The following GNAO1 variants were observed in gnomAD, a reference collection of about 807,000 sequenced individuals.
The protein encoded by GNAO1 is guanine nucleotide-binding protein G(o) subunit alpha.
For missense variants in GNAO1, 166 were observed against 478.7 expected (o/e 0.35, Z 6.10); for synonymous variants, 164 against 180.7 (o/e 0.91, Z 0.74).
chr16:56,345,612 A>G, intron 6 of GNAO1: 3 of 985,474 alleles, frequency 3.0e-6, no homozygotes, highest in Non-Finnish European at 3.6e-6. Flanking sequence ...CATCAGCCCA[A>G]GTCCACCTCT....
chr16:56,243,052 G>A (rs1185001620), intron 2 of GNAO1, among the ~76,000 whole-genome samples: 1 of 151,774 alleles, frequency 6.6e-6, no homozygotes, highest in African/African-American at 2.4e-5. Context: ...AGGGATCTAG[G>A]TTGCATGCTT....
intron 3 of GNAO1, among the ~76,000 whole-genome samples, chr16:56,324,015 G>A (rs892266030): frequency 2.0e-5 from 3 of 152,172 alleles, no homozygotes; most frequent in Admixed American, 2.0e-4. Flanking sequence ...AGGAGAGAGC[G>A]GGAAGGGCGG....
intron 2 of GNAO1, among the ~76,000 whole-genome samples, chr16:56,255,118 A>G (rs1364929693): frequency 1.3e-5 from 2 of 152,158 alleles, no homozygotes; most frequent in African/African-American, 4.8e-5. Flanking sequence ...TGTTGGTGGA[A>G]TTTCCCTTGT....
chr16:56,326,139 C>T lies in GNAO1; in HGVS notation c.304-2492C>T, dbSNP rs2037630056. 6.6e-6 allele frequency among the ~76,000 whole-genome samples: 1 copy of T among 152,212 alleles called. No individual in the cohort carries two copies. Among genetic ancestry groups the T allele is most frequent in the African/African-American group, 2.4e-5 (1 of 41,462 alleles). ...TCCTGTCCTGGCCCTGTGTTCCCAG[C>T]CATGCCTCTTCCTGTCGCTGGGACA... On this transcript the variant is annotated intron_variant, in intron 3 of 8. Coordinates refer to ENST00000262493, the MANE Select transcript of GNAO1 (RefSeq NM_020988.3). This position sits in a 1 kb window ranked among gnomAD's most constrained non-coding sequence, Gnocchi z 4.8.
At chr16:56,269,027 AT>A (rs1159609212) in intron 2 of GNAO1, among the ~76,000 whole-genome samples, 4 of 152,144 alleles carry the variant, frequency 2.6e-5, no homozygotes, top group African/African-American at 9.7e-5. Flanking sequence ...GCTGGAAACC[AT>A]TGGTGCTGTG....
chr16:56,239,166 C>T (rs2036670588), intron 2 of GNAO1, among the ~76,000 whole-genome samples: 1 of 152,218 alleles, frequency 6.6e-6, no homozygotes, highest in Non-Finnish European at 1.5e-5. Context: ...CCATCACAGG[C>T]ACTCTGCCTG....
intron 2 of GNAO1, among the ~76,000 whole-genome samples, chr16:56,228,299 T>C (rs1402222689): frequency 1.3e-5 from 2 of 152,146 alleles, no homozygotes; most frequent in Non-Finnish European, 2.9e-5. Flanking sequence ...AGGGTTCTCC[T>C]GGCATTTCCA....
At position 56,351,752 on chromosome 16, in the gene GNAO1, A is replaced by G. The variant is rs918678486; in HGVS notation, c.877+215A>G. The G allele has an allele frequency of 3.8e-5, 21 of 558,666 alleles. No individual in the cohort carries two copies. The highest frequency in any genetic ancestry group is 6.4e-5 in the Non-Finnish European group (20 of 311,576). The allele number at this position is 558,666 out of a possible 1,614,324, so 34.6% of individuals were successfully genotyped here. A position where few individuals can be genotyped will look rare whatever the true frequency, so the allele number is the denominator to read the frequency against. On this transcript the variant is annotated intron_variant, in intron 7 of 8. Transcript: ENST00000262493. This position sits in a 1 kb window ranked among gnomAD's most constrained non-coding sequence, Gnocchi z 6.1. The stretch of plus-strand genomic sequence containing the variant: ...AGCGTGGTGGAAATGGCCCCTCCTA[A>G]GATATATGTGTTAGGACCAAGTGAC...
intron 3 of GNAO1, among the ~76,000 whole-genome samples, chr16:56,325,592 T>C (rs2037623574): frequency 6.6e-6 from 1 of 151,754 alleles, no homozygotes. Context: ...CCCAGTGGGG[T>C]CTCAGTCTCT....
intron 3 of GNAO1, among the ~76,000 whole-genome samples, chr16:56,318,826 C>T (rs1300247392): frequency 2.0e-5 from 3 of 152,164 alleles, no homozygotes; most frequent in Non-Finnish European, 4.4e-5. Flanking sequence ...CTTATAATAA[C>T]TAACATTGGC....
intron 6 of GNAO1, chr16:56,344,186 G>A (rs1422288517): frequency 1.1e-5 from 16 of 1,420,696 alleles, no homozygotes; most frequent in Middle Eastern, 2.6e-4. Context: ...GAGACTCCAC[G>A]CTCACAGCCT....
intron 8 of GNAO1, chr16:56,355,764 T>C (rs1306764843): frequency 2.6e-5 from 4 of 152,260 alleles, no homozygotes; most frequent in Non-Finnish European, 5.9e-5. Context: ...CTTGGTCTGC[T>C]TTCTAAAAGC....
intron 2 of GNAO1, among the ~76,000 whole-genome samples, chr16:56,268,648 A>G (rs2036982677): frequency 6.6e-6 from 1 of 152,218 alleles, no homozygotes; most frequent in South Asian, 2.1e-4. Context: ...AAATCACTGA[A>G]TGCCACCACC....
rs2037966646 is a variant in GNAO1, at chr16:56,356,232, T to A, written c.*158T>A. 1 of 152,640 alleles carries A rather than the reference T, an allele frequency of 6.6e-6. No homozygotes were observed. Among genetic ancestry groups the A allele is most frequent in the Non-Finnish European group, 1.5e-5 (1 of 68,048 alleles). The allele number at this position is 152,640 out of a possible 1,614,324, so 9.5% of individuals were successfully genotyped here. ...ACGACCCCAGAGTGACTGACGGCTG[T>A]GTATTTCTGTAGAATGCTGTAGAAT... On this transcript the variant is annotated 3_prime_UTR_variant, in exon 9 of 9. Coordinates refer to ENST00000262493, the MANE Select transcript of GNAO1 (RefSeq NM_020988.3).
intron 3 of GNAO1, 94 bp downstream of exon 3, chr16:56,276,166 C>T (rs756630839): frequency 5.4e-5 from 55 of 1,026,154 alleles, no homozygotes; most frequent in African/African-American, 8.1e-5. Context: ...CTTAAATGAA[C>T]GAGAAGAGAC....
At chr16:56,278,548 G>A (rs2037085188) in intron 3 of GNAO1, among the ~76,000 whole-genome samples, 2 of 152,192 alleles carry the variant, frequency 1.3e-5, no homozygotes, top group African/African-American at 4.8e-5. Context: ...GCCAGAAAGG[G>A]CTGCAGTACC....
chr16:56,272,704 AGTTTTCTCTTCTGTCAAATGG>A (rs2037029293), intron 2 of GNAO1, among the ~76,000 whole-genome samples: 1 of 152,206 alleles, frequency 6.6e-6, no homozygotes. Context: ...TCTCAGCCTC[AGTTTTCTCTTCTGTCAAATGG>A]GTATAATAAA....
chr16:56,232,587 C>T (rs1057165390), intron 2 of GNAO1, among the ~76,000 whole-genome samples: 3 of 152,142 alleles, frequency 2.0e-5, no homozygotes, highest in Non-Finnish European at 2.9e-5. Flanking sequence ...ACTTGTTTGA[C>T]CTCAGAACTC....
intron 2 of GNAO1, among the ~76,000 whole-genome samples, chr16:56,268,033 C>A (rs1596831540): frequency 6.6e-6 from 1 of 152,190 alleles, no homozygotes; most frequent in East Asian, 1.9e-4. Context: ...CCCAGGGGAG[C>A]ATCAAGGGAG....
Sources: allele counts gnomAD v4.1 joint callset (sites outside exome capture counted in the v4.1 genomes callset), GRCh38; gene constraint gnomAD v4.1.1; non-coding constraint Gnocchi (gnomAD v3.1); transcripts MANE v1.5; gene names NCBI Gene and HGNC (gene_info 2026-07-23, HGNC 2026-07-21).